ETV7: variants seen among roughly 807,000 people sequenced by gnomAD.
The protein encoded by ETV7 is ETS variant transcription factor 7, also known as transcription factor ETV7.
In ETV7, 43 loss-of-function variants were observed where a neutral mutation model predicts 39.1. That is an observed-to-expected ratio of 1.10 (90% CI 0.86 to 1.42). The LOEUF is 1.42. Among genes scored for constraint, ETV7 ranks in the 40% most tolerant of loss-of-function variants. The pLI is 0.00. For missense variants in ETV7, 432 were observed against 442.3 expected (o/e 0.98, Z 0.21); for synonymous variants, 196 against 176.6 (o/e 1.11, Z -0.87).
intron 2 of ETV7, among the ~76,000 whole-genome samples, chr6:36,377,795 G>A (rs1049621728): frequency 2.0e-5 from 3 of 152,128 alleles, no homozygotes; most frequent in African/African-American, 7.2e-5. Flanking sequence ...GGAGGGAGGA[G>A]CCCCACCACC....
At chr6:36,362,346 C>T (rs1772520255), downstream of ETV7, among the ~76,000 whole-genome samples, 2 of 151,962 alleles carry the variant, frequency 1.3e-5, no homozygotes, top group African/African-American at 4.8e-5. Flanking sequence ...GCCTGTAGTC[C>T]CAGCTACTCG....
chr6:36,379,306 G>A (rs563761152), intron 2 of ETV7, among the ~76,000 whole-genome samples: 1 of 152,360 alleles, frequency 6.6e-6, no homozygotes, highest in Admixed American at 6.5e-5. Context: ...AGTTTGGGAG[G>A]CAGAGGAGGG....
At chr6:36,366,796 TG>T (rs773349874) in intron 7 of ETV7, 34 bp from the exon 8 acceptor site, 2 of 1,613,760 alleles carry the variant, frequency 1.2e-6, no homozygotes, top group South Asian at 2.2e-5. Context: ...AATCAGCTCC[TG>T]CCCCAGCTGC....
chr6:36,357,868 AT>A (rs930355395), intron 7 of ETV7, among the ~76,000 whole-genome samples: 1 of 151,856 alleles, frequency 6.6e-6, no homozygotes, highest in Non-Finnish European at 1.5e-5. Flanking sequence ...ACAGAGTGAG[AT>A]TCTGTCTCAA....
chr6:36,372,894 T>C (rs894631726), intron 4 of ETV7, among the ~76,000 whole-genome samples: 3 of 151,272 alleles, frequency 2.0e-5, no homozygotes, highest in Non-Finnish European at 2.9e-5. Context: ...TCAGATGAGA[T>C]TGCCCAGCAT....
intron 2 of ETV7, among the ~76,000 whole-genome samples, chr6:36,382,566 A>G (rs945322771): frequency 2.6e-5 from 4 of 152,176 alleles, no homozygotes; most frequent in African/African-American, 9.7e-5. Flanking sequence ...CACAACTGTT[A>G]GCGCTGATCT....
At chr6:36,381,860 A>C (rs905103593) in intron 2 of ETV7, among the ~76,000 whole-genome samples, 12 of 152,160 alleles carry the variant, frequency 7.9e-5, no homozygotes, top group African/African-American at 2.9e-4. Flanking sequence ...GAGTCTTTCC[A>C]ATTTGCACAA....
chr6:36,363,085 G>A (rs1037343192), downstream of ETV7, among the ~76,000 whole-genome samples: 2 of 150,596 alleles, frequency 1.3e-5, no homozygotes, highest in African/African-American at 2.5e-5. Flanking sequence ...AATTCATTTC[G>A]ACAGTCCCTC....
chr6:36,377,447 T>G (rs1773433859), intron 2 of ETV7, among the ~76,000 whole-genome samples: 1 of 151,826 alleles, frequency 6.6e-6, no homozygotes, highest in South Asian at 2.1e-4. Flanking sequence ...GGTGACAGAG[T>G]GAGACCCTGT....
At chr6:36,383,472 A>T (rs779143540) in intron 2 of ETV7, among the ~76,000 whole-genome samples, 1 of 152,220 alleles carries the variant, frequency 6.6e-6, no homozygotes, top group Non-Finnish European at 1.5e-5. Context: ...ACAAGGCTAA[A>T]CAAGATCTGT....
At chr6:36,356,323 C>CAAAAAAAAAAAAAAAAAAA (rs59649348) in intron 7 of ETV7, among the ~76,000 whole-genome samples, 23 of 77,666 alleles carry the variant, frequency 3.0e-4, no homozygotes, top group South Asian at 8.3e-4. Context: ...GACCCTGTCT[C>CAAAAAAAAAAAAAAAAAAA]AAAAAAAAAA....
chr6:36,386,854 C>G (rs1561919987), intron 1 of ETV7: 1 of 152,734 alleles, frequency 6.5e-6, no homozygotes, highest in Non-Finnish European at 1.5e-5. Flanking sequence ...AGAAGGGGCT[C>G]AAGGCACAGG....
intron 5 of ETV7, among the ~76,000 whole-genome samples, chr6:36,370,927 A>G (rs1561906028): frequency 6.6e-6 from 1 of 152,208 alleles, no homozygotes; most frequent in Non-Finnish European, 1.5e-5. Flanking sequence ...CTCAATTTCC[A>G]TATCTGTGAA....
intron 7 of ETV7, among the ~76,000 whole-genome samples, chr6:36,359,545 C>T (rs553354606): frequency 1.3e-5 from 2 of 152,294 alleles, no homozygotes; most frequent in Admixed American, 6.5e-5. Context: ...TGATTTGTTC[C>T]TGCTTACACA....
intron 7 of ETV7, among the ~76,000 whole-genome samples, chr6:36,360,138 G>A (rs554055776): frequency 4.6e-5 from 7 of 152,060 alleles, no homozygotes; most frequent in Admixed American, 6.6e-5. Context: ...TAATCCGCCC[G>A]CCTCGGCCTC....
At chr6:36,364,643 C>T (rs1243636308), downstream of ETV7, among the ~76,000 whole-genome samples, 4 of 152,242 alleles carry the variant, frequency 2.6e-5, no homozygotes, top group African/African-American at 4.8e-5. Context: ...CTGAGGGAGC[C>T]GGCTCTGGCC....
intron 7 of ETV7, 46 bp downstream of exon 7, chr6:36,366,829 A>G: frequency 6.2e-7 from 1 of 1,612,564 alleles, no homozygotes; most frequent in Non-Finnish European, 8.5e-7. Flanking sequence ...AGCCCACCCA[A>G]CCCCAGTTCT....
intron 7 of ETV7, among the ~76,000 whole-genome samples, chr6:36,357,935 T>C (rs1195185203): frequency 6.6e-6 from 1 of 152,032 alleles, no homozygotes; most frequent in Non-Finnish European, 1.5e-5. Context: ...CGCTTTCTCC[T>C]CCCTACCTGC....
chr6:36,366,031 G>C (rs111953269), downstream of ETV7, among the ~76,000 whole-genome samples: 8 of 152,052 alleles, frequency 5.3e-5, no homozygotes, highest in African/African-American at 1.7e-4. Context: ...AAAATTAGCC[G>C]GGTGTGGTGG....
Sources: gnomAD v4.1 joint callset for allele counts (sites outside exome capture counted in the v4.1 genomes callset) on GRCh38, gnomAD v4.1.1 for gene constraint, MANE v1.5 for transcripts, NCBI Gene and HGNC (gene_info 2026-07-23, HGNC 2026-07-21) for gene names.